Variants in DHRS1 observed in about 807,000 individuals in gnomAD.
The protein encoded by DHRS1 is dehydrogenase/reductase 1.
In DHRS1, 34 loss-of-function variants were observed where a neutral mutation model predicts 35.2. The observed-to-expected ratio is 0.97, with a 90% CI of 0.74 to 1.29. DHRS1 has a LOEUF of 1.29. Ranked by LOEUF, DHRS1 falls within the 50% of genes most tolerant of loss-of-function variation. The pLI is 0.00. For synonymous variants in DHRS1, 133 were observed against 160.0 expected (o/e 0.83, Z 1.27); for missense variants, 354 against 403.6 (o/e 0.88, Z 1.05).
intron 8 of DHRS1, 54 bp downstream of exon 8, chr14:24,291,085 G>A: frequency 6.2e-7 from 1 of 1,612,930 alleles, no homozygotes; most frequent in Non-Finnish European, 8.5e-7. Flanking sequence ...GGAGGAGTGG[G>A]CAGGGAACAG....
In DHRS1 at chr14:24,292,694, C is replaced by T; in HGVS notation, c.465G>A (p.Leu155=). 6.2e-7 allele frequency: 1 copy of T among 1,614,252 alleles called. No individual in the cohort carries two copies. Among genetic ancestry groups the T allele is most frequent in the Non-Finnish European group, 8.5e-7 (1 of 1,180,048 alleles). ...CATAGGGGACATTGAACATATACTGCAGGCTTCCTGGGGAGGAGATGACCA... is the reference window on the plus strand; with the variant it reads ...CATAGGGGACATTGAACATATACTGTAGGCTTCCTGGGGAGGAGATGACCA... ...LIVVISSPGS[L]QYMFNVPYGV... The change falls in exon 5 of 9, where the codon CTG becomes CTA. Residue 155 remains leucine (L), a synonymous_variant. Transcript: ENST00000288111.
chr14:24,291,538 G>C lies in DHRS1; in HGVS notation c.724+18C>G, dbSNP rs1566400606. On this transcript the variant is annotated intron_variant, in intron 7 of 8. Coordinates refer to ENST00000288111, the MANE Select transcript of DHRS1 (RefSeq NM_001136050.3). ...TCCTCCATGCCCTTTCTTATTACCA[G>C]CTGCCCCCAAACTTCACCTGTTGCC... is the stretch of plus-strand genomic sequence containing the variant. The C allele has an allele frequency of 6.2e-7, 1 of 1,613,886 alleles. No individual in the cohort carries two copies. The highest frequency in any genetic ancestry group is 2.2e-5 in the East Asian group (1 of 44,892).
At chr14:24,292,063 C>G (rs2041166042) in intron 6 of DHRS1, 121 bp downstream of exon 6, 1 of 1,229,980 alleles carries the variant, frequency 8.1e-7, no homozygotes, top group African/African-American at 1.5e-5. Flanking sequence ...ATGTGTGTCC[C>G]ATGCTCAGCC....
At position 24,296,535 on chromosome 14, in the gene DHRS1, C is replaced by A. The variant is rs1566404686; in HGVS notation, c.348G>T (p.Trp116Cys). ...TGAGTCCGACGTTGTTGATATCATCCCACATGGAGGCAGGGGTTTCCCAGA... is the reference window on the plus strand; with the variant it reads ...TGAGTCCGACGTTGTTGATATCATCACACATGGAGGCAGGGGTTTCCCAGA... ...KAFWETPASM[W>C]DDINNVGLRG... The change falls in exon 4 of 9, where the codon TGG becomes TGT. Residue 116 changes from tryptophan (W) to cysteine (C), a missense_variant. Trp to Cys is a radical substitution (Grantham distance 215). Transcript: ENST00000288111. The A allele has an allele frequency of 1.9e-6, 3 of 1,614,010 alleles. No individual in the cohort carries two copies. The highest frequency in any genetic ancestry group is 2.5e-6 in the Non-Finnish European group (3 of 1,180,024).
In DHRS1 at chr14:24,299,625, G is replaced by T. The variant is rs2041328163; in HGVS notation, c.-69C>A. On this transcript the variant is annotated 5_prime_UTR_variant, in exon 1 of 9. Transcript: ENST00000288111. ...TGAGGTCTGCAGATTGCGGGGCTGC[G>T]GTGGAAGTCTGGGTTCTCGCCCAGA... 1 of 301,562 alleles carries T rather than the reference G, an allele frequency of 3.3e-6. No homozygotes were observed. The highest frequency in any genetic ancestry group is 6.2e-6 in the Non-Finnish European group (1 of 162,210). The allele number at this position is 301,562 out of a possible 1,614,324, so 18.7% of individuals were successfully genotyped here.
Position 24,290,797 on chromosome 14 carries a change from C to T in DHRS1, c.*62G>A, listed in dbSNP as rs2041144490. On this transcript the variant is annotated 3_prime_UTR_variant, in exon 9 of 9. Transcript: ENST00000288111. ...AAGAAAGGCTGCTGTTTCACTGAGA[C>T]AGGACGAACCACCAAGTCCAAATGA... 6.2e-7 allele frequency: 1 copy of T among 1,600,898 alleles called. No homozygotes were observed. Among genetic ancestry groups the T allele is most frequent in the Non-Finnish European group, 8.5e-7 (1 of 1,169,986 alleles).
Position 24,292,109 on chromosome 14 carries a change from G to A in DHRS1, c.654+75C>T. 5 of 1,571,066 alleles carry A rather than the reference G, an allele frequency of 3.2e-6. No homozygotes were observed. In the Admixed American group the frequency reaches 5.0e-5, roughly 16 times the overall value. On this transcript the variant is annotated intron_variant, in intron 6 of 8. Coordinates refer to ENST00000288111, the MANE Select transcript of DHRS1 (RefSeq NM_001136050.3). ...CACAGTAAGCACCTGGTGAGTGGGAGTATCTGATCTTGTTATTGAGGATGC... is the reference window on the plus strand; with the variant it reads ...CACAGTAAGCACCTGGTGAGTGGGAATATCTGATCTTGTTATTGAGGATGC...
At chr14:24,299,254 G>C (rs1178070613) in intron 1 of DHRS1, 124 bp from the exon 2 acceptor site, 2 of 920,502 alleles carry the variant, frequency 2.2e-6, no homozygotes, top group Non-Finnish European at 3.2e-6. Context: ...AATCCTTTGA[G>C]GGGAGAGGAG....
intron 6 of DHRS1, 127 bp from the exon 7 acceptor site, chr14:24,291,752 G>A (rs1370870671): frequency 7.1e-6 from 7 of 988,106 alleles, no homozygotes; most frequent in Non-Finnish European, 9.6e-6. Flanking sequence ...CCTCAAGCAG[G>A]GCCTGTAGGA....
At chr14:24,295,745 CCA>C (rs2041238745) in intron 4 of DHRS1, among the ~76,000 whole-genome samples, 1 of 152,242 alleles carries the variant, frequency 6.6e-6, no homozygotes, top group South Asian at 2.1e-4. Context: ...GATCTTCCTT[CCA>C]CTTTGGAAAT....
At chr14:24,299,240 T>TA (rs1223439984) in intron 1 of DHRS1, 110 bp from the exon 2 acceptor site, 1 of 1,066,016 alleles carries the variant, frequency 9.4e-7, no homozygotes, top group Non-Finnish European at 1.3e-6. Flanking sequence ...GGAGCCAAGG[T>TA]AAGAATCCTT....
chr14:24,295,016 A>C (rs572043917), intron 4 of DHRS1, among the ~76,000 whole-genome samples: 2 of 152,294 alleles, frequency 1.3e-5, no homozygotes. Flanking sequence ...TAAAAAGTAC[A>C]TATTCTTTGT....
rs34586111 is a variant in DHRS1, at chr14:24,291,155, G to T, written c.789C>A (p.Gly263=). Residue 263 remains glycine (G), a synonymous_variant, in exon 8 of 9, where the codon GGC becomes GGA. Transcript: ENST00000288111. Reference sequence around the variant, plus strand: ...GGTCCTCACCGTCCACATCCCGAAGGCCATAGCGTCGAGCAAGGTCACAGG... The same window carrying T: ...GGTCCTCACCGTCCACATCCCGAAGTCCATAGCGTCGAGCAAGGTCACAGG... ...LPSCDLARRY[G]LRDVDGRPVQ... 6.5e-4 allele frequency: 1,044 copies of T among 1,614,140 alleles called. 3 individuals carry two copies. The African/African-American group carries it at 0.012, about 19-fold the overall frequency.
intron 6 of DHRS1, 72 bp downstream of exon 6, chr14:24,292,112 T>C: frequency 6.3e-7 from 1 of 1,586,916 alleles, no homozygotes. Flanking sequence ...AGTGGGAGTA[T>C]CTGATCTTGT....
intron 6 of DHRS1, 170 bp from the exon 7 acceptor site, chr14:24,291,795 T>C: frequency 1.5e-6 from 1 of 681,658 alleles, no homozygotes; most frequent in South Asian, 1.7e-5. Flanking sequence ...GAGCCACTCC[T>C]CCCCACATCC....
In DHRS1 at chr14:24,291,148, C is replaced by G; in HGVS notation, c.796G>C (p.Asp266His). Reference protein sequence around the residue: ...CDLARRYGLRDVDGRPVQDYL... With the variant: ...CDLARRYGLRHVDGRPVQDYL... ...GTGCCAGGGTCCTCACCGTCCACAT[C>G]CCGAAGGCCATAGCGTCGAGCAAGG... Residue 266 changes from aspartate to histidine, a missense_variant, in exon 8 of 9, where the codon GAT becomes CAT. By Grantham distance (81) the Asp-to-His change is moderately conservative. Transcript: ENST00000288111. The G allele has an allele frequency of 6.2e-7, 1 of 1,614,150 alleles. No homozygotes were observed. The highest frequency in any genetic ancestry group is 8.5e-7 in the Non-Finnish European group (1 of 1,180,030).
In DHRS1 at chr14:24,299,660, C is replaced by A; in HGVS notation, c.-104G>T. The A allele has an allele frequency of 2.8e-6, 1 of 356,344 alleles. No individual in the cohort carries two copies. The highest frequency in any genetic ancestry group is 5.1e-6 in the Non-Finnish European group (1 of 196,242). 22.1% of individuals were successfully genotyped at this position (356,344 alleles called of 1,614,324 possible). Reference sequence around the variant, plus strand: ...TGGGTTCTCGCCCAGATTGAGCCGGCGACGTGGAGGCAGTGTTCAAGGATT... The same window carrying A: ...TGGGTTCTCGCCCAGATTGAGCCGGAGACGTGGAGGCAGTGTTCAAGGATT... On this transcript the variant is annotated 5_prime_UTR_variant, in exon 1 of 9. Transcript: ENST00000288111.
chr14:24,292,309 A>G lies in DHRS1; in HGVS notation c.529T>C (p.Cys177Arg), dbSNP rs774280858. ...KAACDKLAAD[C>R]AHELRRHGVS... is the part of the protein sequence containing the mutation. Reference sequence around the variant, plus strand: ...CCATGGCGCCGCAGCTCGTGGGCACAGTCAGCAGCCAGCTTGTCACACTGT... The same window carrying G: ...CCATGGCGCCGCAGCTCGTGGGCACGGTCAGCAGCCAGCTTGTCACACTGT... The change falls in exon 6 of 9, where the codon TGT (cysteine) becomes CGT (arginine). Residue 177 changes from cysteine (C) to arginine (R), a missense_variant. Transcript: ENST00000288111. The G allele has an allele frequency of 2.0e-5, 32 of 1,613,922 alleles. No homozygotes were observed. The highest frequency in any genetic ancestry group is 2.6e-5 in the Non-Finnish European group (31 of 1,180,018).
At chr14:24,296,965 A>G in intron 2 of DHRS1, 84 bp from the exon 3 acceptor site, 1 of 1,580,234 alleles carries the variant, frequency 6.3e-7, no homozygotes, top group South Asian at 1.1e-5. Context: ...TGGGCTTGAG[A>G]ACTGAGAAGA....
Sources: allele counts gnomAD v4.1 joint callset (sites outside exome capture counted in the v4.1 genomes callset), GRCh38; gene constraint gnomAD v4.1.1; transcripts MANE v1.5; gene names NCBI Gene and HGNC (gene_info 2026-07-23, HGNC 2026-07-21).